Variants in CELA3B observed in about 807,000 individuals in gnomAD.
CELA3B encodes the protein chymotrypsin like elastase 3B, also known as chymotrypsin-like elastase family member 3B.
CELA3B carries 34 observed loss-of-function variants against 37.2 expected under a neutral mutation model. That is an observed-to-expected ratio of 0.91 (90% CI 0.70 to 1.22). The LOEUF (loss-of-function observed/expected upper bound fraction) is 1.22, where lower values mean the gene tolerates loss of function less well. Among genes scored for constraint, CELA3B ranks in the 50% most tolerant of loss-of-function variants. The pLI is 0.00. For synonymous variants in CELA3B, 127 were observed against 143.5 expected, an observed-to-expected ratio of 0.89 and a Z score of 0.82; for missense variants, 340 against 363.1, an observed-to-expected ratio of 0.94 and a Z score of 0.52.
downstream of CELA3B, among the ~76,000 whole-genome samples, chr1:21,992,703 C>T (rs1367880919): frequency 5.3e-5 from 8 of 151,328 alleles, no homozygotes; most frequent in South Asian, 2.1e-4. Flanking sequence ...CAGCTGGGAA[C>T]GGTGGCTCAT....
chr1:21,991,720 G>T (rs887938235), downstream of CELA3B, among the ~76,000 whole-genome samples: 2 of 151,386 alleles, frequency 1.3e-5, no homozygotes, highest in South Asian at 4.2e-4. Flanking sequence ...GCTGGGAAGT[G>T]TAGCCTCCTG....
At chr1:21,984,378 C>T in intron 6 of CELA3B, 47 bp downstream of exon 6, 1 of 1,589,004 alleles carries the variant, frequency 6.3e-7, no homozygotes, top group Non-Finnish European at 8.6e-7. Context: ...TGTGCAGGAC[C>T]TTGGAATGGG....
chr1:21,985,806 G>C (rs1260979675), intron 6 of CELA3B, among the ~76,000 whole-genome samples: 1 of 151,946 alleles, frequency 6.6e-6, no homozygotes, highest in Non-Finnish European at 1.5e-5. Context: ...CAGGAGAATG[G>C]TGTGAACCTG....
chr1:21,989,706 C>A (rs1385358702), downstream of CELA3B, among the ~76,000 whole-genome samples: 1 of 151,006 alleles, frequency 6.6e-6, no homozygotes, highest in East Asian at 2.0e-4. Context: ...AGCCCCTCAG[C>A]AGGCTCATGG....
downstream of CELA3B, among the ~76,000 whole-genome samples, chr1:21,989,958 CA>C (rs1262700487): frequency 1.3e-5 from 2 of 150,790 alleles, no homozygotes; most frequent in Non-Finnish European, 3.0e-5. Context: ...AATTGACTCA[CA>C]GTTCAGCATG....
chr1:21,979,223 C>T (rs1445203783), intron 2 of CELA3B, among the ~76,000 whole-genome samples: 2 of 151,144 alleles, frequency 1.3e-5, no homozygotes, highest in Non-Finnish European at 2.9e-5. Context: ...CAGGCATGCG[C>T]CACCAAGCCC....
At chr1:21,985,351 C>T (rs1644831374) in intron 6 of CELA3B, among the ~76,000 whole-genome samples, 1 of 151,812 alleles carries the variant, frequency 6.6e-6, no homozygotes, top group African/African-American at 2.4e-5. Context: ...CATCACAGCC[C>T]ACTGTAGCCT....
At chr1:21,986,265 A>G (rs1340457895) in intron 6 of CELA3B, among the ~76,000 whole-genome samples, 1 of 151,962 alleles carries the variant, frequency 6.6e-6, no homozygotes, top group Non-Finnish European at 1.5e-5. Flanking sequence ...GCTACTTAGG[A>G]GGCTGAAGCA....
chr1:21,987,140 C>CA (rs869195183), intron 7 of CELA3B: 125 of 48,840 alleles, frequency 2.6e-3, no homozygotes, highest in African/African-American at 0.011. Context: ...AATAGCTAAA[C>CA]AAAAAAAAAA....
chr1:21,982,771 A>G (rs147018531), intron 4 of CELA3B, among the ~76,000 whole-genome samples: 10,150 of 152,020 alleles, frequency 0.067, 933 homozygotes, highest in African/African-American at 0.2. Flanking sequence ...TCTGCCTTCC[A>G]GGTTCACACC....
downstream of CELA3B, among the ~76,000 whole-genome samples, chr1:21,992,738 G>T (rs1644874060): frequency 6.6e-6 from 1 of 151,194 alleles, no homozygotes; most frequent in South Asian, 2.1e-4. Flanking sequence ...CACTTTGGGA[G>T]GTTAGGGTAG....
intron 4 of CELA3B, among the ~76,000 whole-genome samples, chr1:21,983,213 A>G (rs6426733): frequency 0.9 from 137,367 of 151,914 alleles, 62,903 homozygotes; most frequent in Non-Finnish European, 0.98. Context: ...AAATTAGCCA[A>G]GCGTGGTGGC....
chr1:21,992,220 G>A (rs1177019853), downstream of CELA3B, among the ~76,000 whole-genome samples: 1 of 151,596 alleles, frequency 6.6e-6, no homozygotes, highest in African/African-American at 2.4e-5. Context: ...ACTGTGGGGT[G>A]GAGACTTGAC....
At chr1:21,984,964 A>T (rs1644829065) in intron 6 of CELA3B, among the ~76,000 whole-genome samples, 1 of 151,746 alleles carries the variant, frequency 6.6e-6, no homozygotes, top group African/African-American at 2.4e-5. Context: ...AATAATAATA[A>T]AGTTATAATT....
chr1:21,985,989 G>A (rs1644836605), intron 6 of CELA3B, among the ~76,000 whole-genome samples: 1 of 74,802 alleles, frequency 1.3e-5, no homozygotes, highest in Non-Finnish European at 3.0e-5. Context: ...TTTACTGAGT[G>A]CTTCTTCTCT....
At chr1:21,983,964 C>G in intron 5 of CELA3B, 134 bp downstream of exon 5, 1 of 1,439,922 alleles carries the variant, frequency 6.9e-7, no homozygotes, top group South Asian at 1.4e-5. Flanking sequence ...AGCCTTCTCC[C>G]ACCAACCTCC....
chr1:21,982,766 C>T (rs1393410239), intron 4 of CELA3B, among the ~76,000 whole-genome samples: 1 of 152,070 alleles, frequency 6.6e-6, no homozygotes, highest in Non-Finnish European at 1.5e-5. Flanking sequence ...CAAGCTCTGC[C>T]TTCCAGGTTC....
chr1:21,994,727 T>C lies in CELA3B; in HGVS notation c.505-3424T>C, dbSNP rs117870869. Among the ~76,000 whole-genome samples, 634 of 151,094 alleles carry C rather than the reference T, an allele frequency of 4.2e-3. 29 individuals carry two copies. In the East Asian group the frequency reaches 0.072, roughly 17 times the overall value. On this transcript the variant is annotated intron_variant, in intron 4 of 4. Coordinates refer to the CELA3B transcript ENST00000400277. Reference sequence around the variant, plus strand: ...TACATTTCCTAGTTGTGGCCAGGCATGGTGGCTCAGATCTGTAATCCCAGC... The same window carrying C: ...TACATTTCCTAGTTGTGGCCAGGCACGGTGGCTCAGATCTGTAATCCCAGC...
intron 7 of CELA3B, chr1:21,987,768 G>A (rs61777965): frequency 7.4e-6 from 1 of 135,880 alleles, no homozygotes; most frequent in Non-Finnish European, 1.6e-5. Flanking sequence ...CACAGCAAGA[G>A]CCTCTCTCTT....
Sources: allele counts gnomAD v4.1 joint callset (sites outside exome capture counted in the v4.1 genomes callset), GRCh38; gene constraint gnomAD v4.1.1; transcripts MANE v1.5; gene names NCBI Gene and HGNC (gene_info 2026-07-23, HGNC 2026-07-21).